Variants in TMPRSS11B observed in about 807,000 individuals in gnomAD.
The protein encoded by TMPRSS11B is transmembrane serine protease 11B.
TMPRSS11B carries 53 observed loss-of-function variants against 44.7 expected under a neutral mutation model. The ratio of observed to expected loss-of-function variants is 1.19; its 90% CI spans 0.95 to 1.49. The LOEUF is 1.49. TMPRSS11B is among the 40% of genes most tolerant of loss of function. TMPRSS11B has a pLI of 0.00. For synonymous variants in TMPRSS11B, 140 were observed against 159.2 expected (o/e 0.88, Z 0.91); for missense variants, 526 against 494.8 (o/e 1.06, Z -0.60).
At chr4:68,233,410 G>T (rs1719574144) in intron 5 of TMPRSS11B, among the ~76,000 whole-genome samples, 1 of 152,074 alleles carries the variant, frequency 6.6e-6, no homozygotes, top group Non-Finnish European at 1.5e-5. Context: ...TCACCTAGCT[G>T]GACTTTTAAC....
At chr4:68,240,867 A>T (rs1275496884) in intron 2 of TMPRSS11B, among the ~76,000 whole-genome samples, 3 of 152,152 alleles carry the variant, frequency 2.0e-5, no homozygotes, top group Admixed American at 2.0e-4. Flanking sequence ...ATAGGGTTAT[A>T]TATTTCAGAG....
In TMPRSS11B at chr4:68,229,244, CAA is replaced by C. The variant is rs756508071; in HGVS notation, c.946+11_946+12del. The stretch of plus-strand genomic sequence containing the variant: ...TTCCCATGCAGCTATTATGATTTTA[CAA>C]AAAAACTTACCATTCATATAAAGTG... On this transcript the variant is annotated intron_variant, in intron 8 of 9. Coordinates refer to ENST00000332644, the MANE Select transcript of TMPRSS11B (RefSeq NM_182502.3). The C allele has an allele frequency of 6.3e-7, 1 of 1,577,518 alleles. No individual in the cohort carries two copies. Among genetic ancestry groups the C allele is most frequent in the Admixed American group, 1.9e-5 (1 of 53,520 alleles).
chr4:68,228,184 G>A, intron 9 of TMPRSS11B, 112 bp from the exon 10 acceptor site: 6 of 976,860 alleles, frequency 6.1e-6, no homozygotes, highest in Non-Finnish European at 8.7e-6. Context: ...ACTCTCTTTG[G>A]GCTTAGAACT....
At chr4:68,234,372 C>G in intron 5 of TMPRSS11B, 91 bp downstream of exon 5, 1 of 1,410,306 alleles carries the variant, frequency 7.1e-7, no homozygotes, top group East Asian at 2.4e-5. Flanking sequence ...TCCCGAATTA[C>G]TAAAACTCTT....
chr4:68,240,560 G>A (rs1237599572), intron 2 of TMPRSS11B, among the ~76,000 whole-genome samples: 1 of 152,104 alleles, frequency 6.6e-6, no homozygotes, highest in Non-Finnish European at 1.5e-5. Flanking sequence ...GATGCAAACT[G>A]TATGTTGAAA....
intron 6 of TMPRSS11B, chr4:68,231,717 A>G (rs1719520956): frequency 5.3e-6 from 1 of 190,328 alleles, no homozygotes; most frequent in South Asian, 1.6e-4. Context: ...TGCTGTCTGT[A>G]AGACACCATG....
rs1577974991 is a variant in TMPRSS11B at position 68,229,669 on chromosome 4, T to A, written c.687-153A>T. ...TTGAAAACTATCTTTGACATGGAGC[T>A]GTTGTAAATGTTGCAGTCACTTAAA... On this transcript the variant is annotated intron_variant, in intron 7 of 9. Coordinates refer to ENST00000332644, the MANE Select transcript of TMPRSS11B (RefSeq NM_182502.3). 4.8e-6 allele frequency: 3 copies of A among 621,138 alleles called. No individual in the cohort carries two copies. The East Asian group carries it at 8.7e-5, about 18-fold the overall frequency. The allele number at this position is 621,138 out of a possible 1,614,324, so 38.5% of individuals were successfully genotyped here.
At position 68,234,373 on chromosome 4, in the gene TMPRSS11B, T is replaced by G. The variant is rs1719602103; in HGVS notation, c.469+90A>C. On this transcript the variant is annotated intron_variant, in intron 5 of 9. Coordinates refer to ENST00000332644, the MANE Select transcript of TMPRSS11B (RefSeq NM_182502.3). ...TACGCATATTTTTTTCCCGAATTAC[T>G]AAAACTCTTAGTTCACTTTTTAGTA... is the stretch of plus-strand genomic sequence containing the variant. The G allele has an allele frequency of 4.2e-6, 6 of 1,417,942 alleles. No individual in the cohort carries two copies. The East Asian group carries it at 1.4e-4, about 33-fold the overall frequency. 87.8% of individuals were successfully genotyped at this position (1,417,942 alleles called of 1,614,324 possible).
At chr4:68,238,888 T>C (rs917318780) in intron 2 of TMPRSS11B, among the ~76,000 whole-genome samples, 8 of 152,238 alleles carry the variant, frequency 5.3e-5, no homozygotes, top group South Asian at 2.1e-4. Context: ...AACTTTGTGT[T>C]ACATCCAGAA....
Position 68,228,074 on chromosome 4 carries a change from T to C in TMPRSS11B, c.1090-2A>G, listed in dbSNP as rs141041541. On this transcript the variant is annotated splice_acceptor_variant, in intron 9 of 9. Transcript: ENST00000332644. LOFTEE classifies it high-confidence loss of function. ...AGCTAGTGGTCCACCAGAATCATTC[T>C]AGAAGAAGAAAAGAAAAAAATGTTT... 5.8e-5 allele frequency: 92 copies of C among 1,587,260 alleles called. No individual in the cohort carries two copies. In the African/African-American group the frequency reaches 1.0e-3, roughly 17 times the overall value.
At chr4:68,241,663 G>T in intron 2 of TMPRSS11B, 26 bp downstream of exon 2, 1 of 1,381,992 alleles carries the variant, frequency 7.2e-7, no homozygotes, top group Non-Finnish European at 1.0e-6. Context: ...TAGCAAGGAT[G>T]AAAACTGAAA....
rs5008212 is a variant in TMPRSS11B, at chr4:68,229,210, A to G, written c.946+47T>C. The G allele has an allele frequency of 0.018, 1,671 of 93,406 alleles. 66 individuals carry two copies. The East Asian group carries it at 0.5, about 28-fold the overall frequency. The allele number at this position is 93,406 out of a possible 1,614,324, so 5.8% of individuals were successfully genotyped here. On this transcript the variant is annotated intron_variant, in intron 8 of 9. Coordinates refer to ENST00000332644, the MANE Select transcript of TMPRSS11B (RefSeq NM_182502.3). The stretch of plus-strand genomic sequence containing the variant: ...TGATTGATTGATTGATTGATTGATT[A>G]AATAGTTATTCCCATGCAGCTATTA...
At chr4:68,230,436 C>A (rs371829514) in intron 7 of TMPRSS11B, among the ~76,000 whole-genome samples, 1 of 152,048 alleles carries the variant, frequency 6.6e-6, no homozygotes, top group Non-Finnish European at 1.5e-5. Context: ...AGATTATAAA[C>A]TTCTGGATGG....
intron 1 of TMPRSS11B, among the ~76,000 whole-genome samples, chr4:68,242,339 T>TATAATATATA (rs1719875784): frequency 2.8e-4 from 3 of 10,624 alleles, no homozygotes; most frequent in African/African-American, 8.6e-4. Flanking sequence ...TTATATTATA[T>TATAATATATA]ATATATTATA....
chr4:68,232,378 A>G lies in TMPRSS11B; in HGVS notation c.508T>C (p.Cys170Arg), dbSNP rs1409413308. ...TATAATTAAAAGGTCCTTAACTTAC[A>G]GTTGTTGGTAAGCATTTCAGAAGCA... is the stretch of plus-strand genomic sequence containing the variant. ...KAASEMLTNN[C>R]CGRQVANSII... Residue 170 changes from cysteine to arginine, a missense_variant and splice_region_variant, in exon 6 of 10, where the codon TGT (cysteine) becomes CGT (arginine). Physicochemically the swap from Cys to Arg is radical, Grantham distance 180. Transcript: ENST00000332644. 3 of 1,612,344 alleles carry G rather than the reference A, an allele frequency of 1.9e-6. No individual in the cohort carries two copies. The highest frequency in any genetic ancestry group is 1.7e-6 in the Non-Finnish European group (2 of 1,179,280).
At chr4:68,235,552 G>A (rs1577977777) in intron 4 of TMPRSS11B, among the ~76,000 whole-genome samples, 2 of 152,020 alleles carry the variant, frequency 1.3e-5, no homozygotes, top group East Asian at 3.9e-4. Context: ...TTAAAATATT[G>A]TCTTTGTTCC....
At chr4:68,231,130 A>C (rs1719500790) in intron 7 of TMPRSS11B, 73 bp downstream of exon 7, 1 of 1,344,878 alleles carries the variant, frequency 7.4e-7, no homozygotes, top group Non-Finnish European at 9.9e-7. Context: ...TGACACATTA[A>C]GTTAACCCCT....
rs1352247310 is a variant in TMPRSS11B, at chr4:68,227,916, G to C, written c.1246C>G (p.Leu416Val). 6.2e-7 allele frequency: 1 copy of C among 1,601,110 alleles called. No homozygotes were observed. Among genetic ancestry groups the C allele is most frequent in the Non-Finnish European group, 8.5e-7 (1 of 1,175,704 alleles). ...TTTGTATAATTCCTTTTTTTTCAGA[G>C]TCCAGTCTTGGATGTAATCCAATTG... ...YRNWITSKTG[L>V] The change falls in exon 10 of 10, where the codon CTC (leucine) becomes GTC (valine). Residue 416 changes from leucine (L) to valine (V), a missense_variant. Physicochemically the swap from Leu to Val is conservative, Grantham distance 32 (BLOSUM62 1). Transcript: ENST00000332644.
intron 2 of TMPRSS11B, among the ~76,000 whole-genome samples, chr4:68,241,399 C>T (rs1430501972): frequency 3.3e-5 from 5 of 152,042 alleles, no homozygotes; most frequent in African/African-American, 7.2e-5. Flanking sequence ...CAGGATGTAA[C>T]AATTCAACTA....
Sources: gnomAD v4.1 joint callset for allele counts (sites outside exome capture counted in the v4.1 genomes callset) on GRCh38, gnomAD v4.1.1 for gene constraint, MANE v1.5 for transcripts, NCBI Gene and HGNC (gene_info 2026-07-23, HGNC 2026-07-21) for gene names.